PLEKHG3: variants seen among roughly 807,000 people sequenced by gnomAD.
The protein encoded by PLEKHG3 is pleckstrin homology and RhoGEF domain containing G3.
PLEKHG3 carries 62 observed loss-of-function variants against 94.9 expected under a neutral mutation model. The ratio of observed to expected loss-of-function variants is 0.65; its 90% CI spans 0.53 to 0.81. The LOEUF is 0.81. PLEKHG3 is among the 30% of genes least tolerant of loss of function. The pLI, the probability that PLEKHG3 is intolerant of heterozygous loss-of-function variation, is 0.00. For missense variants in PLEKHG3, 1,461 were observed against 1,619.3 expected (o/e 0.90, Z 1.68); for synonymous variants, 614 against 654.0 (o/e 0.94, Z 0.93).
rs1047321209 is a variant in PLEKHG3, at chr14:64,737,811, C to T, written c.1404+436C>T. ...CCCCCCGCAGCTGCCTGCAGGAGGA[C>T]GGGAGGTTGCCCAAGAGGCTGGTCA... On this transcript the variant is annotated intron_variant, in intron 14 of 16. Transcript: ENST00000247226. 4.5e-5 allele frequency: 45 copies of T among 989,712 alleles called. No homozygotes were observed. In the East Asian group the frequency reaches 1.1e-3, roughly 25 times the overall value. The allele number at this position is 989,712 out of a possible 1,614,324, so 61.3% of individuals were successfully genotyped here.
At position 64,732,971 on chromosome 14, in the gene PLEKHG3, G is replaced by A; in HGVS notation, c.1345+70G>A. 1 of 973,322 alleles carries A rather than the reference G, an allele frequency of 1.0e-6. No individual in the cohort carries two copies. Among genetic ancestry groups the A allele is most frequent in the Non-Finnish European group, 1.6e-6 (1 of 622,822 alleles). 60.3% of individuals were successfully genotyped at this position (973,322 alleles called of 1,614,324 possible). ...TTGCCCAGACTGGGGACCGTCTGCG[G>A]CAGTGTCCAGGGCTGTGGCTCTCAC... On this transcript the variant is annotated intron_variant, in intron 12 of 16. Coordinates refer to ENST00000247226, the MANE Select transcript of PLEKHG3 (RefSeq NM_001308147.2). This position sits in a 1 kb window ranked among gnomAD's most constrained non-coding sequence, Gnocchi z 4.9.
In PLEKHG3 at chr14:64,704,885, C is replaced by A. The variant is rs904119378; in HGVS notation, c.-40+181C>A. Among the ~76,000 whole-genome samples the A allele has an allele frequency of 6.6e-6, 1 of 152,262 alleles. No individual in the cohort carries two copies. The highest frequency in any genetic ancestry group is 1.5e-5 in the Non-Finnish European group (1 of 68,046). On this transcript the variant is annotated intron_variant, in intron 1 of 16. Transcript: ENST00000247226. This position sits in a 1 kb window ranked among gnomAD's most constrained non-coding sequence, Gnocchi z 5.6. ...TGTGTTGGCTGCTTCCCGGGCCACC[C>A]TGCCGCAGAGTGCGCGAGCGCAGGA...
In PLEKHG3 at chr14:64,727,598, C is replaced by T; in HGVS notation, c.-34C>T. The stretch of plus-strand genomic sequence containing the variant: ...ATCTGTCTGTCTTGTTGCAGAATCT[C>T]CCTGGGGTGCCCTCCCCAGGCAGCA... On this transcript the variant is annotated 5_prime_UTR_variant, in exon 2 of 17. Transcript: ENST00000247226. The surrounding 1 kb of genome is among the most constrained non-coding windows in gnomAD (Gnocchi z 6.0). The T allele has an allele frequency of 8.7e-7, 1 of 1,154,988 alleles. No individual in the cohort carries two copies. Among genetic ancestry groups the T allele is most frequent in the South Asian group, 1.2e-5 (1 of 81,096 alleles). 71.5% of individuals were successfully genotyped at this position (1,154,988 alleles called of 1,614,324 possible).
rs2081192012 is a variant in PLEKHG3 at position 64,717,620 on chromosome 14, T to C, written c.-39-9973T>C. 6.6e-6 allele frequency among the ~76,000 whole-genome samples: 1 copy of C among 152,218 alleles called. No homozygotes were observed. Among genetic ancestry groups the C allele is most frequent in the Non-Finnish European group, 1.5e-5 (1 of 68,038 alleles). ...TGCTCCTAGAGGCAGTTAATTTAAA[T>C]GTAGTTTCATCTCTTGACGTTCATA... On this transcript the variant is annotated intron_variant, in intron 1 of 16. Coordinates refer to ENST00000247226, the MANE Select transcript of PLEKHG3 (RefSeq NM_001308147.2). This position sits in a 1 kb window ranked among gnomAD's most constrained non-coding sequence, Gnocchi z 4.7.
chr14:64,743,993 CAG>C lies in PLEKHG3; in HGVS notation c.*297_*298del. On this transcript the variant is annotated 3_prime_UTR_variant, in exon 17 of 17. Transcript: ENST00000247226. This position sits in a 1 kb window ranked among gnomAD's most constrained non-coding sequence, Gnocchi z 7.2. The stretch of plus-strand genomic sequence containing the variant: ...CCAAATATTTAAGCTCACTTCTTCC[CAG>C]AGAGAGGAAGCTCTGCTCAGGCCTC... 1 of 268,160 alleles carries C rather than the reference CAG, an allele frequency of 3.7e-6. No homozygotes were observed. Among genetic ancestry groups the C allele is most frequent in the Non-Finnish European group, 7.0e-6 (1 of 142,386 alleles). The allele number at this position is 268,160 out of a possible 1,614,324, so 16.6% of individuals were successfully genotyped here.
At chr14:64,737,463 T>C in intron 14 of PLEKHG3, 88 bp downstream of exon 14, 1 of 864,460 alleles carries the variant, frequency 1.2e-6, no homozygotes, top group Middle Eastern at 2.3e-4. Flanking sequence ...CCTCATTGTC[T>C]TCATTCATTC....
rs573714141 is a variant in PLEKHG3, at chr14:64,739,451, G to A, written c.1518+596G>A. Among the ~76,000 whole-genome samples, 32 of 152,304 alleles carry A rather than the reference G, an allele frequency of 2.1e-4. No homozygotes were observed. The highest frequency in any genetic ancestry group is 6.0e-4 in the African/African-American group (25 of 41,550). On this transcript the variant is annotated intron_variant, in intron 15 of 16. Coordinates refer to ENST00000247226, the MANE Select transcript of PLEKHG3 (RefSeq NM_001308147.2). The surrounding 1 kb of genome is among the most constrained non-coding windows in gnomAD (Gnocchi z 4.1). ...TGCTGCCCTATGCTGTCTGTGGGTT[G>A]TAGGAAGCAGCATCCTTTACTTTCC... is the stretch of plus-strand genomic sequence containing the variant.
At chr14:64,709,322 C>T (rs2081029967) in intron 1 of PLEKHG3, among the ~76,000 whole-genome samples, 1 of 152,192 alleles carries the variant, frequency 6.6e-6, no homozygotes, top group African/African-American at 2.4e-5. Flanking sequence ...TCGAGTCCAG[C>T]CCTAGGTGGG....
At position 64,717,652 on chromosome 14, in the gene PLEKHG3, C is replaced by T. The variant is rs17102005; in HGVS notation, c.-39-9941C>T. On this transcript the variant is annotated intron_variant, in intron 1 of 16. Transcript: ENST00000247226. The surrounding 1 kb of genome is among the most constrained non-coding windows in gnomAD (Gnocchi z 4.7). ...TCATCTCTTGACGTTCATATTGGGTCTCATTTCTTCCCCCTTTGCAAGGGT... is the reference window on the plus strand; with the variant it reads ...TCATCTCTTGACGTTCATATTGGGTTTCATTTCTTCCCCCTTTGCAAGGGT... Among the ~76,000 whole-genome samples the T allele has an allele frequency of 0.023, 3,449 of 152,270 alleles. 134 individuals carry two copies. Among genetic ancestry groups the T allele is most frequent in the African/African-American group, 0.078 (3,232 of 41,516 alleles).
rs750287175 is a variant in PLEKHG3 at position 64,749,666 on chromosome 14, A to G, written c.*5963A>G. On this transcript the variant is annotated 3_prime_UTR_variant, in exon 17 of 17. Coordinates refer to ENST00000247226, the MANE Select transcript of PLEKHG3 (RefSeq NM_001308147.2). The surrounding 1 kb of genome is among the most constrained non-coding windows in gnomAD (Gnocchi z 4.7). Reference sequence around the variant, plus strand: ...TGCCCGCGCTTACCTCATCCTTGCCATGGAAGAGCCACTCGCTGCCATTAC... The same window carrying G: ...TGCCCGCGCTTACCTCATCCTTGCCGTGGAAGAGCCACTCGCTGCCATTAC... The G allele has an allele frequency of 2.7e-5, 43 of 1,613,808 alleles. No homozygotes were observed. Among genetic ancestry groups the G allele is most frequent in the Non-Finnish European group, 3.6e-5 (43 of 1,179,946 alleles).
At chr14:64,740,999 C>T (rs1340021500) in intron 15 of PLEKHG3, 37 bp from the exon 16 acceptor site, 7 of 1,502,224 alleles carry the variant, frequency 4.7e-6, no homozygotes, top group Non-Finnish European at 6.3e-6. Context: ...ATGAAGGAGG[C>T]TTTTTACTCA....
In PLEKHG3 at chr14:64,728,577, G is replaced by C. The variant is rs1031874737; in HGVS notation, c.352-419G>C. Among the ~76,000 whole-genome samples, 1 of 152,248 alleles carries C rather than the reference G, an allele frequency of 6.6e-6. No homozygotes were observed. The highest frequency in any genetic ancestry group is 2.4e-5 in the African/African-American group (1 of 41,470). On this transcript the variant is annotated intron_variant, in intron 2 of 16. Coordinates refer to ENST00000247226, the MANE Select transcript of PLEKHG3 (RefSeq NM_001308147.2). The surrounding 1 kb of genome is among the most constrained non-coding windows in gnomAD (Gnocchi z 5.9). ...GTGTTGGCTGGGTTGGCTCCCTTCA[G>C]AGCCTCTGAGGGAGTAGGCATTCTA... is the stretch of plus-strand genomic sequence containing the variant.
In PLEKHG3 at chr14:64,737,319, G is replaced by A. The variant is rs552696192; in HGVS notation, c.1385-37G>A. 61 of 1,585,062 alleles carry A rather than the reference G, an allele frequency of 3.8e-5. 2 individuals are homozygous for A. The South Asian group carries it at 5.5e-4, about 14-fold the overall frequency. ...CTTCCCCTCCCCTCCCCTGCCCCTC[G>A]CCCGTGTGCTGGGGGACCCGGTGGT... On this transcript the variant is annotated intron_variant, in intron 13 of 16. Coordinates refer to ENST00000247226, the MANE Select transcript of PLEKHG3 (RefSeq NM_001308147.2).
chr14:64,743,359 G>T lies in PLEKHG3; in HGVS notation c.3316G>T (p.Gly1106Cys), dbSNP rs200033297. Residue 1106 changes from glycine to cysteine, a missense_variant, in exon 17 of 17, where the codon GGC becomes TGC. By Grantham distance (159) the Gly-to-Cys change is radical. Coordinates refer to ENST00000247226, the MANE Select transcript of PLEKHG3 (RefSeq NM_001308147.2). The surrounding 1 kb of genome is among the most constrained non-coding windows in gnomAD (Gnocchi z 7.2). ...GRCRSLSTKR[G>C]RGGGEAAQSP... is the part of the protein sequence containing the mutation. The stretch of plus-strand genomic sequence containing the variant: ...CTGCCGCAGCCTGAGCACCAAGAGG[G>T]GCCGGGGAGGCGGAGAGGCTGCCCA... 6.2e-7 allele frequency: 1 copy of T among 1,607,670 alleles called. No individual in the cohort carries two copies.
At chr14:64,705,879 C>T (rs973721262) in intron 1 of PLEKHG3, among the ~76,000 whole-genome samples, 13 of 152,228 alleles carry the variant, frequency 8.5e-5, no homozygotes, top group Non-Finnish European at 1.6e-4. Flanking sequence ...TTATACATCT[C>T]TCCCCTGTGG....
chr14:64,727,923 G>C lies in PLEKHG3; in HGVS notation c.292G>C (p.Val98Leu). 1 of 1,609,782 alleles carries C rather than the reference G, an allele frequency of 6.2e-7. No homozygotes were observed. Reference protein sequence around the residue: ...HHKLSYLGRVVREIVETERMY... With the variant: ...HHKLSYLGRVLREIVETERMY... ...CAAGCTCAGCTACCTGGGCCGAGTG[G>C]TGCGGGAGATCGTGGAGACAGAGCG... Residue 98 changes from valine to leucine, a missense_variant, in exon 2 of 17, where the codon GTG becomes CTG. Around this residue, in one of 3 missense-constraint regions of PLEKHG3, gnomAD observed 253 missense variants for 297.8 expected, o/e 0.85. Coordinates refer to ENST00000247226, the MANE Select transcript of PLEKHG3 (RefSeq NM_001308147.2). The surrounding 1 kb of genome is among the most constrained non-coding windows in gnomAD (Gnocchi z 6.0).
chr14:64,732,591 TG>T lies in PLEKHG3; in HGVS notation c.1246+137del. Reference sequence around the variant, plus strand: ...AGGGCGGGGGTCTCCTGTTAAGGGCTGGGGGGTGAACTACATGATTAAGGAT... The same window carrying T: ...AGGGCGGGGGTCTCCTGTTAAGGGCTGGGGGTGAACTACATGATTAAGGAT... On this transcript the variant is annotated intron_variant, in intron 11 of 16. Transcript: ENST00000247226. The surrounding 1 kb of genome is among the most constrained non-coding windows in gnomAD (Gnocchi z 4.9). The T allele has an allele frequency of 6.5e-6, 5 of 767,234 alleles. No homozygotes were observed. The highest frequency in any genetic ancestry group is 9.2e-6 in the Non-Finnish European group (4 of 433,788). 47.5% of individuals were successfully genotyped at this position (767,234 alleles called of 1,614,324 possible).
chr14:64,708,271 C>T (rs1014873806), intron 1 of PLEKHG3, among the ~76,000 whole-genome samples: 5 of 152,160 alleles, frequency 3.3e-5, no homozygotes, highest in Non-Finnish European at 7.4e-5. Flanking sequence ...TGGAATTCCC[C>T]CTGCTTCCAG....
At position 64,743,368 on chromosome 14, in the gene PLEKHG3, G is replaced by C; in HGVS notation, c.3325G>C (p.Gly1109Arg). The C allele has an allele frequency of 1.2e-6, 2 of 1,608,074 alleles. No individual in the cohort carries two copies. Among genetic ancestry groups the C allele is most frequent in the Non-Finnish European group, 1.7e-6 (2 of 1,177,012 alleles). Reference sequence around the variant, plus strand: ...CCTGAGCACCAAGAGGGGCCGGGGAGGCGGAGAGGCTGCCCAATCCCCTGG... The same window carrying C: ...CCTGAGCACCAAGAGGGGCCGGGGACGCGGAGAGGCTGCCCAATCCCCTGG... ...RSLSTKRGRG[G>R]GEAAQSPGPL... Residue 1109 changes from glycine to arginine, a missense_variant, in exon 17 of 17, where the codon GGC becomes CGC. Physicochemically the swap from Gly to Arg is moderately radical, Grantham distance 125. This residue lies in a region of PLEKHG3 where 1,201 missense variants were observed against 1,295.5 expected (regional missense o/e 0.93). Transcript: ENST00000247226. This position sits in a 1 kb window ranked among gnomAD's most constrained non-coding sequence, Gnocchi z 7.2.
Sources: allele counts gnomAD v4.1 joint callset (sites outside exome capture counted in the v4.1 genomes callset), GRCh38; gene constraint gnomAD v4.1.1; regional missense constraint gnomAD v4.1.1; non-coding constraint Gnocchi (gnomAD v3.1); transcripts MANE v1.5; gene names NCBI Gene and HGNC (gene_info 2026-07-23, HGNC 2026-07-21).